SLC9C1: variants seen among roughly 807,000 people sequenced by gnomAD.
The protein encoded by SLC9C1 is sodium/hydrogen exchanger 10.
SLC9C1 carries 97 observed loss-of-function variants against 140.9 expected under a neutral mutation model. The ratio of observed to expected loss-of-function variants is 0.69; its 90% confidence interval spans 0.58 to 0.82. The LOEUF is 0.82. SLC9C1 is among the 40% of genes least tolerant of loss of function. SLC9C1 has a pLI of 0.00. For synonymous variants in SLC9C1, 440 were observed against 442.6 expected, an observed-to-expected ratio of 0.99 and a Z score of 0.07; for missense variants, 1,340 against 1,389.3, an observed-to-expected ratio of 0.96 and a Z score of 0.56.
At chr3:112,234,764 G>T (rs1260473586) in intron 12 of SLC9C1, among the ~76,000 whole-genome samples, 4 of 152,108 alleles carry the variant, frequency 2.6e-5, no homozygotes, top group African/African-American at 9.7e-5. Flanking sequence ...TTTTTGTCAA[G>T]TTTGTCAAAG....
rs1382354962 is a variant in SLC9C1 at position 112,294,137 on chromosome 3, A to AG, written c.-133dup. The AG allele has an allele frequency of 6.6e-6, 1 of 152,186 alleles. No individual in the cohort carries two copies. The highest frequency in any genetic ancestry group is 2.4e-5 in the African/African-American group (1 of 41,402). 9.4% of individuals were successfully genotyped at this position (152,186 alleles called of 1,614,324 possible). ...AGTATCCCGTGGTGTGCAAGTGAGA[A>AG]GTGGGGGGCAGCTATTTCGCTCACA... On this transcript the variant is annotated 5_prime_UTR_variant, in exon 1 of 29. Transcript: ENST00000305815.
chr3:112,211,592 C>T (rs13327165), intron 15 of SLC9C1, among the ~76,000 whole-genome samples: 45,659 of 152,098 alleles, frequency 0.3, 7,077 homozygotes, highest in East Asian at 0.36. Context: ...CCCACGCCCA[C>T]GGAGCCTCAC....
At chr3:112,163,901 G>A (rs1483522306) in intron 26 of SLC9C1, among the ~76,000 whole-genome samples, 1 of 152,058 alleles carries the variant, frequency 6.6e-6, no homozygotes, top group East Asian at 1.9e-4. Flanking sequence ...TAATGTGTGG[G>A]AGTCTAAGTC....
intron 17 of SLC9C1, among the ~76,000 whole-genome samples, chr3:112,203,986 G>A (rs1271773634): frequency 6.6e-6 from 1 of 151,890 alleles, no homozygotes; most frequent in Admixed American, 6.6e-5. Flanking sequence ...TAAAGGAAAA[G>A]TTGTGATGAG....
chr3:112,216,151 A>G (rs1482922345), intron 15 of SLC9C1, among the ~76,000 whole-genome samples: 1 of 152,222 alleles, frequency 6.6e-6, no homozygotes, highest in African/African-American at 2.4e-5. Context: ...CTGGCTAGCC[A>G]TATGTAGAAA....
intron 10 of SLC9C1, 98 bp from the exon 11 acceptor site, chr3:112,244,174 T>C: frequency 1.4e-6 from 1 of 725,302 alleles, no homozygotes; most frequent in South Asian, 2.8e-5. Context: ...CAATATAAAT[T>C]AAGCTAGGTT....
At chr3:112,209,800 C>A (rs956731411) in intron 15 of SLC9C1, among the ~76,000 whole-genome samples, 1 of 151,906 alleles carries the variant, frequency 6.6e-6, no homozygotes, top group African/African-American at 2.4e-5. Context: ...CTTGCGTGCT[C>A]AAAACAACAA....
At chr3:112,166,458 G>T (rs963839085) in intron 26 of SLC9C1, among the ~76,000 whole-genome samples, 2 of 152,212 alleles carry the variant, frequency 1.3e-5, no homozygotes, top group African/African-American at 4.8e-5. Context: ...GAGGCCTCAA[G>T]AAACTTACAG....
intron 26 of SLC9C1, among the ~76,000 whole-genome samples, chr3:112,161,844 T>C: frequency 6.6e-6 from 1 of 150,436 alleles, no homozygotes; most frequent in South Asian, 2.1e-4. Context: ...GCATTGAATC[T>C]GTAAATTACC....
At chr3:112,243,321 T>A (rs935979944) in intron 11 of SLC9C1, among the ~76,000 whole-genome samples, 2 of 152,224 alleles carry the variant, frequency 1.3e-5, no homozygotes, top group East Asian at 3.8e-4. Flanking sequence ...CACCATTGAA[T>A]ACTATGCAGC....
chr3:112,239,333 A>G (rs2108212298), intron 12 of SLC9C1, among the ~76,000 whole-genome samples: 1 of 152,258 alleles, frequency 6.6e-6, no homozygotes, highest in East Asian at 1.9e-4. Flanking sequence ...GAGTGACCCA[A>G]TTTTCGAGGT....
chr3:112,261,495 A>G (rs2079770416), intron 10 of SLC9C1, among the ~76,000 whole-genome samples: 1 of 152,076 alleles, frequency 6.6e-6, no homozygotes, highest in South Asian at 2.1e-4. Flanking sequence ...AATATAACAT[A>G]ACTTATGAGT....
intron 26 of SLC9C1, among the ~76,000 whole-genome samples, chr3:112,159,665 C>G (rs565295761): frequency 6.6e-6 from 1 of 151,946 alleles, no homozygotes; most frequent in African/African-American, 2.4e-5. Flanking sequence ...TGTTGAAGTC[C>G]CCTACTACTA....
At chr3:112,174,085 T>C (rs945039712) in intron 23 of SLC9C1, among the ~76,000 whole-genome samples, 1 of 152,262 alleles carries the variant, frequency 6.6e-6, no homozygotes, top group Non-Finnish European at 1.5e-5. Context: ...TTACATCTTC[T>C]TTAGAAAATT....
At chr3:112,264,129 T>C (rs13065342) in intron 9 of SLC9C1, 71 bp downstream of exon 9, 2 of 715,310 alleles carry the variant, frequency 2.8e-6, no homozygotes, top group Non-Finnish European at 3.8e-6. Flanking sequence ...GAAATCTTTG[T>C]GTTATTTAAA....
intron 28 of SLC9C1, chr3:112,151,306 TC>T: frequency 1.9e-6 from 1 of 518,118 alleles, no homozygotes; most frequent in South Asian, 1.4e-5. Flanking sequence ...TCCTCATTGT[TC>T]CCCAAAGGTC....
intron 10 of SLC9C1, among the ~76,000 whole-genome samples, chr3:112,254,805 A>G (rs901233351): frequency 1.3e-5 from 2 of 152,156 alleles, no homozygotes; most frequent in African/African-American, 4.8e-5. Context: ...AGCAAGCTGG[A>G]TAAAGAACCA....
At chr3:112,147,703 T>G (rs901069996) in intron 28 of SLC9C1, among the ~76,000 whole-genome samples, 17 of 152,182 alleles carry the variant, frequency 1.1e-4, no homozygotes, top group African/African-American at 4.1e-4. Flanking sequence ...TTTCGCTGAC[T>G]TTAAAATTTT....
intron 13 of SLC9C1, among the ~76,000 whole-genome samples, chr3:112,225,765 GAGT>G (rs1400077392): frequency 6.3e-5 from 4 of 63,090 alleles, no homozygotes; most frequent in Non-Finnish European, 1.1e-4. Context: ...AAATGATCAG[GAGT>G]AGTTATATAG....
Sources: allele counts gnomAD v4.1 joint callset (sites outside exome capture counted in the v4.1 genomes callset), GRCh38; gene constraint gnomAD v4.1.1; transcripts MANE v1.5; gene names NCBI Gene and HGNC (gene_info 2026-07-23, HGNC 2026-07-21).